PCDHGB6: variants seen among roughly 807,000 people sequenced by gnomAD.
The protein encoded by PCDHGB6 is protocadherin gamma-B6.
In PCDHGB6, 51 loss-of-function variants were observed where a neutral mutation model predicts 59.1. The ratio of observed to expected loss-of-function variants is 0.86; its 90% CI spans 0.69 to 1.09. The LOEUF is 1.09. PCDHGB6 is among the 50% of genes least tolerant of loss of function. PCDHGB6 has a pLI of 0.00. For missense variants in PCDHGB6, 1,148 were observed against 1,205.1 expected (o/e 0.95, Z 0.70); for synonymous variants, 466 against 495.1 (o/e 0.94, Z 0.78).
intron 2 of PCDHGB6, among the ~76,000 whole-genome samples, chr5:141,497,767 C>T (rs1419825322): frequency 1.3e-5 from 2 of 152,066 alleles, no homozygotes; most frequent in East Asian, 3.9e-4. Flanking sequence ...TCAAACTCCC[C>T]GACCTCAACT....
At chr5:141,435,719 C>T (rs890713374) in intron 1 of PCDHGB6, among the ~76,000 whole-genome samples, 6 of 152,156 alleles carry the variant, frequency 3.9e-5, no homozygotes, top group Admixed American at 3.3e-4. Context: ...ACACTGAATG[C>T]TAAAGTGTAT....
At chr5:141,502,404 C>A (rs1270930372) in intron 2 of PCDHGB6, among the ~76,000 whole-genome samples, 1 of 151,880 alleles carries the variant, frequency 6.6e-6, no homozygotes, top group Non-Finnish European at 1.5e-5. Flanking sequence ...TGTCCCCGAA[C>A]CTGGATTTGC....
chr5:141,419,561 G>T, intron 1 of PCDHGB6: 1 of 1,611,846 alleles, frequency 6.2e-7, no homozygotes. Flanking sequence ...CCCTGCGCTG[G>T]GTCCCGACGG....
Position 141,485,337 on chromosome 5 carries a change from A to G in PCDHGB6, c.2419-9470A>G, listed in dbSNP as rs147409155. On this transcript the variant is annotated intron_variant, in intron 1 of 3. Transcript: ENST00000520790. The surrounding 1 kb of genome is among the most constrained non-coding windows in gnomAD (Gnocchi z 5.7). ...AATGTCGCTCAAGATTTCCTGCTGG[A>G]TACGGACAGTCTGTCAGCTCGCAGG... 4.3e-5 allele frequency: 70 copies of G among 1,614,012 alleles called. No individual in the cohort carries two copies. Among genetic ancestry groups the G allele is most frequent in the Non-Finnish European group, 5.7e-5 (67 of 1,180,016 alleles).
chr5:141,423,539 T>C (rs747825176), intron 1 of PCDHGB6: 10 of 1,613,140 alleles, frequency 6.2e-6, no homozygotes, highest in Non-Finnish European at 8.5e-6. Flanking sequence ...CACCTGATTT[T>C]CCCCCAGCCC....
At chr5:141,488,134 A>G (rs546928916) in intron 1 of PCDHGB6, among the ~76,000 whole-genome samples, 1 of 152,332 alleles carries the variant, frequency 6.6e-6, no homozygotes, top group African/African-American at 2.4e-5. Flanking sequence ...GAAAGAGGAG[A>G]GAACTAAAGG....
rs767397479 is a variant in PCDHGB6 at position 141,430,717 on chromosome 5, T to C, written c.2418+20097T>C. On this transcript the variant is annotated intron_variant, in intron 1 of 3. Transcript: ENST00000520790. ...GCGAAGGAACTGCTCCTGACTTCAG[T>C]GGTTAAGGGCAGAATTGAAAATAAT... is the stretch of plus-strand genomic sequence containing the variant. The C allele has an allele frequency of 8.1e-6, 12 of 1,475,446 alleles. No individual in the cohort carries two copies. The East Asian group carries it at 2.4e-4, about 29-fold the overall frequency. 91.4% of individuals were successfully genotyped at this position (1,475,446 alleles called of 1,614,324 possible). A position where few individuals can be genotyped will look rare whatever the true frequency, so the allele number is the denominator to read the frequency against.
intron 1 of PCDHGB6, among the ~76,000 whole-genome samples, chr5:141,447,752 G>T (rs2154561873): frequency 6.6e-6 from 1 of 152,280 alleles, no homozygotes; most frequent in Admixed American, 6.5e-5. Context: ...TCTTGCATGT[G>T]ACTGTATATA....
At position 141,460,338 on chromosome 5, in the gene PCDHGB6, T is replaced by C. The variant is rs1180912204; in HGVS notation, c.2419-34469T>C. Among the ~76,000 whole-genome samples, 4 of 152,222 alleles carry C rather than the reference T, an allele frequency of 2.6e-5. No homozygotes were observed. The East Asian group carries it at 7.7e-4, about 29-fold the overall frequency. On this transcript the variant is annotated intron_variant, in intron 1 of 3. Transcript: ENST00000520790. ...GCCTACTGAAAACTTATGATGATTT[T>C]CTCCTATATTTTCTTTTAGAAGTTT...
At chr5:141,422,374 G>A (rs1268014814) in intron 1 of PCDHGB6, 1 of 1,570,452 alleles carries the variant, frequency 6.4e-7, no homozygotes, top group Non-Finnish European at 8.6e-7. Flanking sequence ...AAATGGTCAA[G>A]TCTCCTGTTT....
rs112078596 is a variant in PCDHGB6, at chr5:141,490,350, G to A, written c.2419-4457G>A. ...GCACACCAGTGGGCACAGTAGTGGG[G>A]TTGTTTAATGTGCGAGACCGGGACT... On this transcript the variant is annotated intron_variant, in intron 1 of 3. Coordinates refer to ENST00000520790, the MANE Select transcript of PCDHGB6 (RefSeq NM_018926.3). The surrounding 1 kb of genome is among the most constrained non-coding windows in gnomAD (Gnocchi z 5.4). 3.5e-5 allele frequency: 57 copies of A among 1,614,086 alleles called. No homozygotes were observed. The highest frequency in any genetic ancestry group is 4.6e-5 in the Non-Finnish European group (54 of 1,180,042).
intron 1 of PCDHGB6, chr5:141,419,070 T>G: frequency 6.2e-7 from 1 of 1,613,926 alleles, no homozygotes; most frequent in Non-Finnish European, 8.5e-7. Context: ...TACTACAAGC[T>G]AGTAACAGAT....
In PCDHGB6 at chr5:141,473,538, T is replaced by C. The variant is rs544537855; in HGVS notation, c.2419-21269T>C. Among the ~76,000 whole-genome samples, 58 of 152,328 alleles carry C rather than the reference T, an allele frequency of 3.8e-4. 1 individual carries two copies. Among genetic ancestry groups the C allele is most frequent in the African/African-American group, 1.3e-3 (55 of 41,576 alleles). Reference sequence around the variant, plus strand: ...AAGGATCCTGGTTTTAACTGGGGCCTAATGGAAGACCTCTATTAGGAAATA... The same window carrying C: ...AAGGATCCTGGTTTTAACTGGGGCCCAATGGAAGACCTCTATTAGGAAATA... On this transcript the variant is annotated intron_variant, in intron 1 of 3. Coordinates refer to ENST00000520790, the MANE Select transcript of PCDHGB6 (RefSeq NM_018926.3).
chr5:141,422,968 C>T lies in PCDHGB6; in HGVS notation c.2418+12348C>T. 6.2e-7 allele frequency: 1 copy of T among 1,614,240 alleles called. No homozygotes were observed. Among genetic ancestry groups the T allele is most frequent in the South Asian group, 1.1e-5 (1 of 91,086 alleles). On this transcript the variant is annotated intron_variant, in intron 1 of 3. Coordinates refer to ENST00000520790, the MANE Select transcript of PCDHGB6 (RefSeq NM_018926.3). ...CTCCACTGGCGTGGAGCTGGCGCCC[C>T]GCTCTGCGGAACCTGGCTACCTGGT...
chr5:141,421,309 C>T (rs781110850), intron 1 of PCDHGB6: 9 of 1,613,516 alleles, frequency 5.6e-6, no homozygotes, highest in Admixed American at 1.7e-5. Context: ...GCGGGGGTTC[C>T]GGGCCAGGCA....
intron 1 of PCDHGB6, among the ~76,000 whole-genome samples, chr5:141,480,874 G>A (rs1487409799): frequency 2.6e-5 from 4 of 151,950 alleles, no homozygotes; most frequent in African/African-American, 7.3e-5. Context: ...GTGAAACCCC[G>A]TCTCTACTAA....
At position 141,485,229 on chromosome 5, in the gene PCDHGB6, TC is replaced by T; in HGVS notation, c.2419-9576del. On this transcript the variant is annotated intron_variant, in intron 1 of 3. Transcript: ENST00000520790. The surrounding 1 kb of genome is among the most constrained non-coding windows in gnomAD (Gnocchi z 5.7). ...ATCTGGCGGTGGGCTACCCTTTTGT[TC>T]CTCTTTTACCACCTGGGTTACGTTT... 6.2e-7 allele frequency: 1 copy of T among 1,614,160 alleles called. No homozygotes were observed. The highest frequency in any genetic ancestry group is 8.5e-7 in the Non-Finnish European group (1 of 1,180,022).
chr5:141,419,884 C>A lies in PCDHGB6; in HGVS notation c.2418+9264C>A. 1 of 1,614,088 alleles carries A rather than the reference C, an allele frequency of 6.2e-7. No individual in the cohort carries two copies. The highest frequency in any genetic ancestry group is 8.5e-7 in the Non-Finnish European group (1 of 1,179,896). On this transcript the variant is annotated intron_variant, in intron 1 of 3. Transcript: ENST00000520790. ...GCTTGCAAGAGGTACTGCCGGATTT[C>A]AGCGACCATCCCACACCCTCTGACT... is the stretch of plus-strand genomic sequence containing the variant.
At chr5:141,436,486 C>A (rs2097826645) in intron 1 of PCDHGB6, among the ~76,000 whole-genome samples, 1 of 152,152 alleles carries the variant, frequency 6.6e-6, no homozygotes. Flanking sequence ...AGAAGGATAG[C>A]AGCTTTGCAA....
Sources: allele counts gnomAD v4.1 joint callset (sites outside exome capture counted in the v4.1 genomes callset), GRCh38; gene constraint gnomAD v4.1.1; non-coding constraint Gnocchi (gnomAD v3.1); transcripts MANE v1.5; gene names NCBI Gene and HGNC (gene_info 2026-07-23, HGNC 2026-07-21).